PIP5K1B: variants seen among roughly 807,000 people sequenced by gnomAD.
PIP5K1B encodes phosphatidylinositol 4-phosphate 5-kinase type-1 beta.
Under a neutral mutation model 67.0 loss-of-function variants are expected in PIP5K1B, and 42 were observed. The observed-to-expected ratio is 0.63, with a 90% CI of 0.49 to 0.81. The LOEUF is 0.81. Among genes scored for constraint, PIP5K1B ranks in the 30% least tolerant of loss-of-function variants. The pLI, the probability that PIP5K1B is intolerant of heterozygous loss-of-function variation, is 0.00. For synonymous variants in PIP5K1B, 214 were observed against 231.4 expected, an observed-to-expected ratio of 0.92 and a Z score of 0.68; for missense variants, 459 against 646.3, an observed-to-expected ratio of 0.71 and a Z score of 3.14.
At chr9:68,730,813 G>A (rs1445104550) in intron 1 of PIP5K1B, among the ~76,000 whole-genome samples, 1 of 152,108 alleles carries the variant, frequency 6.6e-6, no homozygotes, top group African/African-American at 2.4e-5. Context: ...GTATATGCTG[G>A]GTACAAATTC....
At chr9:68,898,188 ATCT>A (rs1825183984) in intron 8 of PIP5K1B, among the ~76,000 whole-genome samples, 1 of 152,016 alleles carries the variant, frequency 6.6e-6, no homozygotes, top group Non-Finnish European at 1.5e-5. Context: ...TAGAAAACTG[ATCT>A]TCTTTTATGC....
intron 5 of PIP5K1B, among the ~76,000 whole-genome samples, chr9:68,868,379 A>G (rs1301540637): frequency 6.6e-6 from 1 of 152,226 alleles, no homozygotes; most frequent in Non-Finnish European, 1.5e-5. Flanking sequence ...AAATTGACTT[A>G]TATAACATAT....
At chr9:68,781,844 G>A (rs1364507636) in intron 2 of PIP5K1B, 1 of 166,912 alleles carries the variant, frequency 6.0e-6, no homozygotes, top group African/African-American at 2.4e-5. Context: ...ATAGGCTAAG[G>A]CTAAGCTCTT....
chr9:68,938,624 T>C (rs547442736), intron 13 of PIP5K1B, among the ~76,000 whole-genome samples: 138 of 152,306 alleles, frequency 9.1e-4, no homozygotes, highest in African/African-American at 3.2e-3. Flanking sequence ...GTGAATTTCA[T>C]CCCGTCATTA....
At position 68,940,774 on chromosome 9, in the gene PIP5K1B, A is replaced by G; in HGVS notation, c.1486A>G (p.Thr496Ala). 1 of 1,613,884 alleles carries G rather than the reference A, an allele frequency of 6.2e-7. No individual in the cohort carries two copies. The highest frequency in any genetic ancestry group is 8.5e-7 in the Non-Finnish European group (1 of 1,179,830). Residue 496 changes from threonine (T) to alanine (A), a missense_variant, in exon 14 of 16, where the codon ACA becomes GCA. Coordinates refer to ENST00000265382, the MANE Select transcript of PIP5K1B (RefSeq NM_003558.4). Reference protein sequence around the residue: ...VNEHYPHDRPTLYSNSKGLPS... With the variant: ...VNEHYPHDRPALYSNSKGLPS... ...TGAGCACTATCCACACGACAGGCCT[A>G]CACTCTATTCAAACAGGTAATACTT...
At chr9:68,985,777 T>A (rs749482053) in intron 14 of PIP5K1B, among the ~76,000 whole-genome samples, 2 of 152,258 alleles carry the variant, frequency 1.3e-5, no homozygotes, top group Non-Finnish European at 2.9e-5. Context: ...AACTCTCTCA[T>A]GTCATCAAGC....
At chr9:68,762,934 G>C (rs747015011) in intron 2 of PIP5K1B, among the ~76,000 whole-genome samples, 1 of 152,064 alleles carries the variant, frequency 6.6e-6, no homozygotes, top group Non-Finnish European at 1.5e-5. Flanking sequence ...CTGGAGTAGC[G>C]CAGTTATCGA....
intron 11 of PIP5K1B, among the ~76,000 whole-genome samples, chr9:68,922,887 T>G (rs1292679441): frequency 2.6e-5 from 4 of 152,188 alleles, no homozygotes; most frequent in African/African-American, 9.6e-5. Context: ...TAGGATAGTT[T>G]TGTTTATGTC....
At chr9:68,944,641 G>A (rs1231644199) in intron 14 of PIP5K1B, among the ~76,000 whole-genome samples, 2 of 152,146 alleles carry the variant, frequency 1.3e-5, no homozygotes, top group African/African-American at 4.8e-5. Context: ...AATTGGCAAA[G>A]GCTCCCTAAA....
chr9:68,744,674 T>A (rs1697083525), intron 2 of PIP5K1B, among the ~76,000 whole-genome samples: 1 of 152,138 alleles, frequency 6.6e-6, no homozygotes, highest in African/African-American at 2.4e-5. Flanking sequence ...AAGCTTTTAC[T>A]AGGCAGGCGG....
At chr9:68,785,288 T>TA (rs1247436995) in intron 2 of PIP5K1B, among the ~76,000 whole-genome samples, 1 of 152,208 alleles carries the variant, frequency 6.6e-6, no homozygotes, top group Admixed American at 6.5e-5. Context: ...TTCAGGGCTT[T>TA]ACCTTATCAG....
chr9:68,769,866 G>T (rs762626312), intron 2 of PIP5K1B, among the ~76,000 whole-genome samples: 1 of 152,186 alleles, frequency 6.6e-6, no homozygotes, highest in Non-Finnish European at 1.5e-5. Context: ...CTGGCACCCA[G>T]TTGGAACTTG....
intron 8 of PIP5K1B, among the ~76,000 whole-genome samples, chr9:68,908,468 C>T (rs1440216686): frequency 6.6e-6 from 1 of 150,996 alleles, no homozygotes; most frequent in African/African-American, 2.4e-5. Flanking sequence ...CAGGTTAATC[C>T]AGTACAGCCC....
At chr9:68,817,464 A>T (rs1833502816) in intron 2 of PIP5K1B, among the ~76,000 whole-genome samples, 1 of 152,240 alleles carries the variant, frequency 6.6e-6, no homozygotes, top group South Asian at 2.1e-4. Flanking sequence ...TAAGGTAGCC[A>T]AATTTGGAAA....
Position 68,765,004 on chromosome 9 carries a change from T to G in PIP5K1B, c.-86+22347T>G, listed in dbSNP as rs1010043889. Among the ~76,000 whole-genome samples the G allele has an allele frequency of 2.0e-4, 31 of 152,264 alleles. 1 individual carries two copies. The highest frequency in any genetic ancestry group is 7.0e-4 in the African/African-American group (29 of 41,560). ...CTTTTAGAACATGCATTCTGAATAT[T>G]GTTTTAAAGCATTTCAACAAAAATG... On this transcript the variant is annotated intron_variant, in intron 2 of 15. Coordinates refer to ENST00000265382, the MANE Select transcript of PIP5K1B (RefSeq NM_003558.4).
intron 2 of PIP5K1B, among the ~76,000 whole-genome samples, chr9:68,774,810 G>T (rs1343462960): frequency 6.6e-6 from 1 of 152,060 alleles, no homozygotes; most frequent in Non-Finnish European, 1.5e-5. Flanking sequence ...TTTATGTCTG[G>T]TGCCTCTTTT....
chr9:68,744,889 C>T (rs1284311145), intron 2 of PIP5K1B, among the ~76,000 whole-genome samples: 1 of 152,184 alleles, frequency 6.6e-6, no homozygotes, highest in Admixed American at 6.5e-5. Flanking sequence ...CCAATCCATT[C>T]GTACTCCTGT....
rs571519613 is a variant in PIP5K1B, at chr9:68,959,945, T to C, written c.1502+19155T>C. Among the ~76,000 whole-genome samples the C allele has an allele frequency of 1.5e-4, 23 of 152,348 alleles. No homozygotes were observed. The East Asian group carries it at 4.4e-3, about 29-fold the overall frequency. On this transcript the variant is annotated intron_variant, in intron 14 of 15. Transcript: ENST00000265382. ...GTGCACAGATGTTATCCTGGGAACT[T>C]CTTTCACCTTTGTTCTGGGAATTCA...
intron 14 of PIP5K1B, among the ~76,000 whole-genome samples, chr9:68,956,711 A>C (rs1313435282): frequency 6.6e-6 from 1 of 152,248 alleles, no homozygotes; most frequent in Non-Finnish European, 1.5e-5. Flanking sequence ...CATTGAGTCC[A>C]AGTTTTACTT....
Sources: gnomAD v4.1 joint callset for allele counts (sites outside exome capture counted in the v4.1 genomes callset) on GRCh38, gnomAD v4.1.1 for gene constraint, MANE v1.5 for transcripts, NCBI Gene and HGNC (gene_info 2026-07-23, HGNC 2026-07-21) for gene names.